The following CLCN7 variants were observed in gnomAD, a reference collection of about 807,000 sequenced individuals.
CLCN7 encodes the protein H(+)/Cl(-) exchange transporter 7.
CLCN7 carries 60 observed loss-of-function variants against 102.1 expected under a neutral mutation model. The observed-to-expected ratio is 0.59, with a 90% CI of 0.48 to 0.73. The LOEUF (loss-of-function observed/expected upper bound fraction) is 0.73. Among genes scored for constraint, CLCN7 ranks in the 30% least tolerant of loss-of-function variants. The pLI is 0.00. For missense variants in CLCN7, 962 were observed against 1,125.7 expected, an observed-to-expected ratio of 0.85 and a Z score of 2.08; for synonymous variants, 560 against 490.5, an observed-to-expected ratio of 1.14 and a Z score of -1.87.
intron 23 of CLCN7, 33 bp downstream of exon 23, chr16:1,447,359 G>C: frequency 6.5e-7 from 1 of 1,532,826 alleles, no homozygotes; most frequent in Non-Finnish European, 8.8e-7. Context: ...TTCAGTCCCA[G>C]GCCCCACGCC....
chr16:1,458,061 A>G lies in CLCN7; in HGVS notation c.676-305T>C, dbSNP rs548031339. On this transcript the variant is annotated intron_variant, in intron 7 of 24. Transcript: ENST00000382745. ...GGGCCGCCCACCGCATCCTACAGGC[A>G]CACCTGCCTCCGCCAGCGTGGCCAG... Among the ~76,000 whole-genome samples the G allele has an allele frequency of 2.9e-4, 29 of 100,350 alleles. 1 individual carries two copies. In the South Asian group the frequency reaches 7.5e-3, roughly 26 times the overall value. 65.8% of individuals were successfully genotyped at this position (100,350 alleles called of 152,430 possible).
At chr16:1,462,365 CTTTTTTTTTTTTTTTTTT>C (rs59931924) in intron 2 of CLCN7, among the ~76,000 whole-genome samples, 10 of 80,562 alleles carry the variant, frequency 1.2e-4, no homozygotes, top group Non-Finnish European at 2.1e-4. Context: ...CCTCATCTGT[CTTTTTTTTTTTTTTTTTT>C]TTTTTTTTTT....
rs189159402 is a variant in CLCN7, at chr16:1,446,752, G to A, written c.2332-35C>T. The A allele has an allele frequency of 3.9e-6, 6 of 1,524,866 alleles. No homozygotes were observed. The South Asian group carries it at 7.1e-5, about 18-fold the overall frequency. 94.5% of individuals were successfully genotyped at this position (1,524,866 alleles called of 1,614,324 possible). On this transcript the variant is annotated intron_variant, in intron 24 of 24. Coordinates refer to ENST00000382745, the MANE Select transcript of CLCN7 (RefSeq NM_001287.6). The stretch of plus-strand genomic sequence containing the variant: ...AAGTCCAGGCCACAGTGACACACGG[G>A]TCGGCTCCCGCCTGCCTGTGGAGCT...
rs777951653 is a variant in CLCN7 at position 1,453,890 on chromosome 16, A to C, written c.1158T>G (p.Gly386=). The C allele has an allele frequency of 1.4e-5, 23 of 1,612,988 alleles. No homozygotes were observed. The highest frequency in any genetic ancestry group is 1.7e-5 in the Non-Finnish European group (20 of 1,180,028). ...AGGCATTGAACACTGCTCCAAGCAC[A>C]CCGCCTGCGAACAGGGGAAAGGCCA... ...PVFIAMGVVG[G]VLGAVFNALN... Residue 386 remains glycine (G), a synonymous_variant, in exon 14 of 25, where the codon GGT becomes GGG. Transcript: ENST00000382745.
chr16:1,447,582 A>C lies in CLCN7; in HGVS notation c.2074-14T>G, dbSNP rs1372822021. 2 of 1,553,434 alleles carry C rather than the reference A, an allele frequency of 1.3e-6. No individual in the cohort carries two copies. The highest frequency in any genetic ancestry group is 1.7e-4 in the Middle Eastern group (1 of 5,996). ...CTCCACAAACACCTGCGGGCGGCAG[A>C]GCCCTGTGTCAGGCACCCAGGCAGC... On this transcript the variant is annotated splice_polypyrimidine_tract_variant and intron_variant, in intron 22 of 24. Transcript: ENST00000382745.
intron 2 of CLCN7, 99 bp downstream of exon 2, chr16:1,465,168 C>T (rs1233338323): frequency 2.5e-5 from 30 of 1,200,244 alleles, no homozygotes; most frequent in Non-Finnish European, 3.2e-5. Flanking sequence ...GGCCCTGGGG[C>T]CCCACTATCT....
Position 1,452,832 on chromosome 16 carries a change from T to C in CLCN7, c.1276A>G (p.Thr426Ala). The C allele has an allele frequency of 6.3e-7, 1 of 1,596,462 alleles. No homozygotes were observed. The highest frequency in any genetic ancestry group is 8.5e-7 in the Non-Finnish European group (1 of 1,171,880). ...EAVLVAAVTA[T>A]VAFVLIYSSR... ...GAGTAGATCAGCACGAAGGCAACTG[T>C]GGCCGTGACGGCGGCCACCAGCACG... The change falls in exon 15 of 25, where the codon ACA becomes GCA. Residue 426 changes from threonine to alanine, a missense_variant. Transcript: ENST00000382745.
intron 1 of CLCN7, among the ~76,000 whole-genome samples, chr16:1,466,151 G>A (rs971527527): frequency 1.3e-5 from 2 of 152,278 alleles, no homozygotes; most frequent in African/African-American, 2.4e-5. Flanking sequence ...CAGGGCGCCC[G>A]CCATCTGCAT....
chr16:1,454,393 G>T lies in CLCN7; in HGVS notation c.1153+18C>A, dbSNP rs1209444464. On this transcript the variant is annotated intron_variant, in intron 13 of 24. Coordinates refer to ENST00000382745, the MANE Select transcript of CLCN7 (RefSeq NM_001287.6). ...CAGGCCCGCAGGCCGTCCCTGCGGT[G>T]CTGGGAGAAGCCCTTACCCACCACG... 6.2e-7 allele frequency: 1 copy of T among 1,612,272 alleles called. No homozygotes were observed. Among genetic ancestry groups the T allele is most frequent in the Admixed American group, 1.7e-5 (1 of 60,006 alleles).
intron 5 of CLCN7, 40 bp from the exon 6 acceptor site, chr16:1,460,567 G>A: frequency 2.7e-6 from 4 of 1,494,676 alleles, no homozygotes; most frequent in Non-Finnish European, 3.7e-6. Flanking sequence ...TCCCCGTCAT[G>A]ACCACCCAGC....
chr16:1,459,030 G>T, intron 7 of CLCN7, 77 bp downstream of exon 7: 1 of 1,257,328 alleles, frequency 8.0e-7, no homozygotes, highest in South Asian at 1.4e-5. Context: ...CTGGAAGGCA[G>T]GCAGCCAAGA....
chr16:1,474,906 C>T lies in CLCN7; in HGVS notation c.69G>A (p.Leu23=). 1 of 1,464,504 alleles carries T rather than the reference C, an allele frequency of 6.8e-7. No individual in the cohort carries two copies. Among genetic ancestry groups the T allele is most frequent in the South Asian group, 1.3e-5 (1 of 77,010 alleles). 90.7% of individuals were successfully genotyped at this position (1,464,504 alleles called of 1,614,324 possible). A position where few individuals can be genotyped will look rare whatever the true frequency, so the allele number is the denominator to read the frequency against. Residue 23 remains leucine, a synonymous_variant, in exon 1 of 25, where the codon CTG becomes CTA. Coordinates refer to ENST00000382745, the MANE Select transcript of CLCN7 (RefSeq NM_001287.6). ...CGCCGGGCCGCGCCGTCCTCCGCAG[C>T]AGCGGCGCCGCCTCCTCGTCGTCCC... ...RDRDDEEAAP[L]LRRTARPGGG...
chr16:1,446,825 G>A (rs61365901), intron 24 of CLCN7, 108 bp from the exon 25 acceptor site: 26 of 1,173,220 alleles, frequency 2.2e-5, no homozygotes, highest in African/African-American at 7.6e-5. Context: ...GGCCCTGGGG[G>A]CTTCAGCACA....
chr16:1,474,413 G>T (rs959502004), intron 1 of CLCN7: 1 of 337,864 alleles, frequency 3.0e-6, no homozygotes, highest in Admixed American at 4.2e-5. Flanking sequence ...ATCTCCCAGG[G>T]GGTCAAAAAC....
chr16:1,446,189 G>T lies in CLCN7; in HGVS notation c.*442C>A. On this transcript the variant is annotated 3_prime_UTR_variant, in exon 25 of 25. Coordinates refer to ENST00000382745, the MANE Select transcript of CLCN7 (RefSeq NM_001287.6). ...TGAGGCCAAGCAGCTCCCAAGTCTC[G>T]AAGACTCCACTGGTGTGGAGGCAGA... 1.6e-6 allele frequency: 1 copy of T among 609,778 alleles called. No individual in the cohort carries two copies. The highest frequency in any genetic ancestry group is 1.9e-5 in the South Asian group (1 of 51,334). 37.8% of individuals were successfully genotyped at this position (609,778 alleles called of 1,614,324 possible). A position where few individuals can be genotyped will look rare whatever the true frequency, so the allele number is the denominator to read the frequency against.
At chr16:1,447,139 G>A (rs1410345357) in intron 23 of CLCN7, 53 bp from the exon 24 acceptor site, 1 of 1,501,620 alleles carries the variant, frequency 6.7e-7, no homozygotes, top group Admixed American at 1.9e-5. Flanking sequence ...AGGCAGGCGG[G>A]ACCCTCACCC....
chr16:1,452,688 C>A, intron 15 of CLCN7, 67 bp downstream of exon 15: 1 of 1,521,428 alleles, frequency 6.6e-7, no homozygotes, highest in Non-Finnish European at 8.9e-7. Context: ...GTAGCCTAAG[C>A]GAGCCTCCTG....
chr16:1,460,727 G>A, intron 5 of CLCN7, 89 bp downstream of exon 5: 2 of 1,598,002 alleles, frequency 1.3e-6, no homozygotes, highest in Non-Finnish European at 1.7e-6. Flanking sequence ...CACCTGCACT[G>A]GAACACGCTG....
chr16:1,457,161 C>G lies in CLCN7; in HGVS notation c.822+93G>C. 3.3e-6 allele frequency: 4 copies of G among 1,209,576 alleles called. No homozygotes were observed. Among genetic ancestry groups the G allele is most frequent in the Non-Finnish European group, 2.5e-6 (2 of 815,676 alleles). The allele number at this position is 1,209,576 out of a possible 1,614,324, so 74.9% of individuals were successfully genotyped here. On this transcript the variant is annotated intron_variant, in intron 9 of 24. Coordinates refer to ENST00000382745, the MANE Select transcript of CLCN7 (RefSeq NM_001287.6). This position sits in a 1 kb window ranked among gnomAD's most constrained non-coding sequence, Gnocchi z 5.4. ...CCTCAGATGGGGCTGGGGCTCTCGG[C>G]CTGGGGGTGCTGAGGGAAGCCCATC...
Sources: gnomAD v4.1 joint callset for allele counts (sites outside exome capture counted in the v4.1 genomes callset) on GRCh38, gnomAD v4.1.1 for gene constraint, Gnocchi (gnomAD v3.1) non-coding constraint, MANE v1.5 for transcripts, NCBI Gene and HGNC (gene_info 2026-07-23, HGNC 2026-07-21) for gene names.